CAMTA1: variants seen among roughly 807,000 people sequenced by gnomAD.
CAMTA1 encodes the protein calmodulin-binding transcription activator 1.
A neutral mutation model predicts 170.9 loss-of-function variants in CAMTA1; 27 were observed. The observed-to-expected ratio is 0.16, with a 90% CI of 0.12 to 0.22. CAMTA1 has a LOEUF of 0.22. CAMTA1 is among the 10% of genes least tolerant of loss of function. CAMTA1 has a pLI of 1.00. For synonymous variants in CAMTA1, 833 were observed against 891.5 expected, an observed-to-expected ratio of 0.93 and a Z score of 1.17; for missense variants, 1,619 against 2,217.2, an observed-to-expected ratio of 0.73 and a Z score of 5.42.
chr1:7,362,650 G>A (rs191104591), intron 5 of CAMTA1, among the ~76,000 whole-genome samples: 21 of 152,102 alleles, frequency 1.4e-4, no homozygotes, highest in African/African-American at 4.8e-4. Flanking sequence ...CTTGGGTAGA[G>A]GTGGTGAACT....
intron 6 of CAMTA1, among the ~76,000 whole-genome samples, chr1:7,550,256 T>C (rs1229276459): frequency 6.6e-6 from 1 of 152,110 alleles, no homozygotes; most frequent in East Asian, 1.9e-4. Flanking sequence ...GAGTGTTAAA[T>C]GCAGATCTTT....
rs368278188 is a variant in CAMTA1, at chr1:7,393,616, A to G, written c.439-74214A>G. 1.1e-4 allele frequency among the ~76,000 whole-genome samples: 17 copies of G among 152,202 alleles called. No individual in the cohort carries two copies. In the East Asian group the frequency reaches 2.3e-3, roughly 21 times the overall value. ...GTACATGTTTATGGGATACAGTGCA[A>G]TGTTTTGACACATGTATACATTGTG... On this transcript the variant is annotated intron_variant, in intron 5 of 22. Coordinates refer to ENST00000303635, the MANE Select transcript of CAMTA1 (RefSeq NM_015215.4).
intron 3 of CAMTA1, among the ~76,000 whole-genome samples, chr1:6,997,656 C>CTTTTTTTTTTTTTTTTTTTTTTTTTTTT (rs201500847): frequency 2.3e-5 from 3 of 128,412 alleles, no homozygotes; most frequent in African/African-American, 3.3e-5. Context: ...CCTTTCTTTT[C>CTTTTTTTTTTTTTTTTTTTTTTTTTTTT]TTTCTTTTTT....
intron 4 of CAMTA1, among the ~76,000 whole-genome samples, chr1:7,149,495 GTTTCGTAA>G (rs980232697): frequency 6.6e-6 from 1 of 152,236 alleles, no homozygotes. Flanking sequence ...TGGTAGTCTG[GTTTCGTAA>G]CGGCCGTGTG....
At chr1:6,943,902 T>TTTTAAGTGTC (rs1459259614) in intron 3 of CAMTA1, among the ~76,000 whole-genome samples, 1 of 150,292 alleles carries the variant, frequency 6.7e-6, no homozygotes, top group Non-Finnish European at 1.5e-5. Flanking sequence ...ATTTTAACCA[T>TTTTAAGTGTC]TTTAAGTGTC....
intron 3 of CAMTA1, among the ~76,000 whole-genome samples, chr1:6,928,243 C>T (rs1042168615): frequency 2.0e-5 from 3 of 152,178 alleles, no homozygotes; most frequent in African/African-American, 4.8e-5. Context: ...TCAGTCTTGC[C>T]GTTCAGAGCA....
chr1:7,340,521 A>G (rs1304054934), intron 5 of CAMTA1, among the ~76,000 whole-genome samples: 1 of 134,298 alleles, frequency 7.4e-6, no homozygotes, highest in East Asian at 2.2e-4. Flanking sequence ...TTCTCCTATG[A>G]GCAGCTAATG....
intron 3 of CAMTA1, among the ~76,000 whole-genome samples, chr1:6,885,138 T>G (rs1326616299): frequency 2.0e-5 from 3 of 152,262 alleles, no homozygotes; most frequent in Non-Finnish European, 4.4e-5. Context: ...AATGGTGTTT[T>G]GCTTACAGAG....
chr1:7,649,072 C>G (rs2095830319), intron 7 of CAMTA1, among the ~76,000 whole-genome samples: 1 of 152,206 alleles, frequency 6.6e-6, no homozygotes, highest in African/African-American at 2.4e-5. Flanking sequence ...CTGGGTGTAC[C>G]ATTTCTGGAT....
At chr1:7,140,607 A>G (rs532351537) in intron 4 of CAMTA1, among the ~76,000 whole-genome samples, 1 of 152,316 alleles carries the variant, frequency 6.6e-6, no homozygotes, top group Admixed American at 6.5e-5. Context: ...GGACAGCATC[A>G]TCTACTGTTT....
chr1:7,514,521 G>A (rs879666315), intron 6 of CAMTA1, among the ~76,000 whole-genome samples: 1 of 152,216 alleles, frequency 6.6e-6, no homozygotes, highest in Non-Finnish European at 1.5e-5. Context: ...GGCTGGAGGT[G>A]GCCTCCTGGA....
chr1:7,684,590 A>G (rs2096242531), intron 11 of CAMTA1, among the ~76,000 whole-genome samples: 1 of 152,184 alleles, frequency 6.6e-6, no homozygotes, highest in Admixed American at 6.5e-5. Context: ...CTCTGCCTGC[A>G]CTGTCCTCCC....
At chr1:6,926,472 CTTTCTTTCTTTCTT>C (rs1683223743) in intron 3 of CAMTA1, among the ~76,000 whole-genome samples, 5 of 137,998 alleles carry the variant, frequency 3.6e-5, no homozygotes, top group East Asian at 2.1e-4. Flanking sequence ...TTCTTTCTTT[CTTTCTTTCTTTCTT>C]TCTCTCTCTC....
chr1:7,056,995 C>T (rs1394503755), intron 3 of CAMTA1, among the ~76,000 whole-genome samples: 4 of 152,182 alleles, frequency 2.6e-5, no homozygotes, highest in African/African-American at 4.8e-5. Context: ...AGACCATGAC[C>T]TCTTCTCCTC....
At chr1:7,651,111 A>C (rs1335617046) in intron 7 of CAMTA1, among the ~76,000 whole-genome samples, 1 of 152,156 alleles carries the variant, frequency 6.6e-6, no homozygotes, top group Non-Finnish European at 1.5e-5. Flanking sequence ...CCCAGCCTAT[A>C]CCAGCACCTG....
At chr1:7,558,691 G>T (rs1205977063) in intron 6 of CAMTA1, among the ~76,000 whole-genome samples, 6 of 152,212 alleles carry the variant, frequency 3.9e-5, no homozygotes, top group Non-Finnish European at 8.8e-5. Flanking sequence ...CGGGTCTGGG[G>T]TGCAGAGGAG....
At chr1:7,549,158 G>A (rs1261202161) in intron 6 of CAMTA1, among the ~76,000 whole-genome samples, 2 of 147,020 alleles carry the variant, frequency 1.4e-5, no homozygotes, top group African/African-American at 5.0e-5. Flanking sequence ...TAGGGGCGGA[G>A]GTGCTGGTGG....
At chr1:7,084,176 T>A (rs1040763604) in intron 3 of CAMTA1, among the ~76,000 whole-genome samples, 2 of 152,064 alleles carry the variant, frequency 1.3e-5, no homozygotes, top group Admixed American at 1.3e-4. Context: ...TATATATATA[T>A]AAATATATGT....
intron 5 of CAMTA1, among the ~76,000 whole-genome samples, chr1:7,340,086 A>G (rs2083686983): frequency 1.3e-5 from 2 of 152,352 alleles, no homozygotes; most frequent in South Asian, 4.1e-4. Flanking sequence ...GGGCTTTGCC[A>G]GCCATATGGT....
Sources: allele counts gnomAD v4.1 joint callset (sites outside exome capture counted in the v4.1 genomes callset), GRCh38; gene constraint gnomAD v4.1.1; transcripts MANE v1.5; gene names NCBI Gene and HGNC (gene_info 2026-07-23, HGNC 2026-07-21).